NCK1: variants seen among roughly 807,000 people sequenced by gnomAD.
NCK1 encodes the protein SH2/SH3 adapter protein NCK1.
In NCK1, 19 loss-of-function variants were observed where a neutral mutation model predicts 36.6. The observed-to-expected ratio is 0.52, with a 90% CI of 0.36 to 0.76. The LOEUF (loss-of-function observed/expected upper bound fraction) is 0.76, where lower values mean the gene tolerates loss of function less well. Ranked by LOEUF, NCK1 falls within the 30% of genes least tolerant of loss-of-function variation. NCK1 has a pLI of 0.00. For synonymous variants in NCK1, 165 were observed against 156.0 expected, an observed-to-expected ratio of 1.06 and a Z score of -0.43; for missense variants, 358 against 445.6, an observed-to-expected ratio of 0.80 and a Z score of 1.77.
At chr3:136,914,827 G>T (rs1042348723) in intron 1 of NCK1, among the ~76,000 whole-genome samples, 2 of 152,182 alleles carry the variant, frequency 1.3e-5, no homozygotes, top group Non-Finnish European at 2.9e-5. Flanking sequence ...GGGGCCTAAT[G>T]GGAGGTGTTT....
chr3:136,915,903 A>G (rs1576975242), intron 1 of NCK1, among the ~76,000 whole-genome samples: 1 of 151,804 alleles, frequency 6.6e-6, no homozygotes, highest in South Asian at 2.1e-4. Flanking sequence ...CTTTTGTATT[A>G]TTAGTAGAGA....
intron 1 of NCK1, among the ~76,000 whole-genome samples, chr3:136,886,151 T>C (rs1939067861): frequency 6.6e-6 from 1 of 152,204 alleles, no homozygotes; most frequent in Admixed American, 6.5e-5. Context: ...GAAGCATGGG[T>C]TAATAAAATT....
intron 1 of NCK1, among the ~76,000 whole-genome samples, chr3:136,908,478 A>G (rs1939743455): frequency 6.6e-6 from 1 of 152,202 alleles, no homozygotes; most frequent in African/African-American, 2.4e-5. Flanking sequence ...GCATTTGGAT[A>G]TGGAAACAGG....
chr3:136,946,724 A>C (rs1207304165), intron 3 of NCK1, among the ~76,000 whole-genome samples: 1 of 152,192 alleles, frequency 6.6e-6, no homozygotes, highest in Non-Finnish European at 1.5e-5. Context: ...GAAATCCCTG[A>C]ATTTAAAAAA....
chr3:136,933,960 A>G (rs964991545), intron 2 of NCK1, among the ~76,000 whole-genome samples: 5 of 152,078 alleles, frequency 3.3e-5, no homozygotes, highest in African/African-American at 1.2e-4. Context: ...TGCCTGCCTC[A>G]GCCTCCCAAA....
intron 1 of NCK1, among the ~76,000 whole-genome samples, chr3:136,876,064 A>G (rs1938761616): frequency 1.3e-5 from 2 of 151,826 alleles, no homozygotes; most frequent in African/African-American, 4.8e-5. Flanking sequence ...CTGGGTACAT[A>G]ACGAAATGAA....
intron 1 of NCK1, among the ~76,000 whole-genome samples, chr3:136,903,358 A>T (rs1939596894): frequency 6.6e-6 from 1 of 152,274 alleles, no homozygotes; most frequent in East Asian, 1.9e-4. Flanking sequence ...AGATGAGTTT[A>T]TTGTAGGTAG....
chr3:136,862,592 C>T (rs1938259497), intron 1 of NCK1, among the ~76,000 whole-genome samples: 2 of 152,254 alleles, frequency 1.3e-5, no homozygotes, highest in African/African-American at 4.8e-5. Flanking sequence ...CGTGACCCCG[C>T]GGCCTCCTTG....
In NCK1 at chr3:136,928,317, A is replaced by T. The variant is rs1302072757; in HGVS notation, c.226+90A>T. On this transcript the variant is annotated intron_variant, in intron 2 of 3. Transcript: ENST00000481752. Reference sequence around the variant, plus strand: ...ACATAATTCTGGCAGCAGTGTGCATAATTGACTTGAAAAGGCAAGGGCTAG... The same window carrying T: ...ACATAATTCTGGCAGCAGTGTGCATTATTGACTTGAAAAGGCAAGGGCTAG... The T allele has an allele frequency of 7.8e-6, 10 of 1,280,706 alleles. No individual in the cohort carries two copies. In the South Asian group the frequency reaches 1.6e-4, roughly 20 times the overall value. 79.3% of individuals were successfully genotyped at this position (1,280,706 alleles called of 1,614,324 possible). A position where few individuals can be genotyped will look rare whatever the true frequency, so the allele number is the denominator to read the frequency against.
intron 1 of NCK1, 39 bp from the exon 2 acceptor site, chr3:136,927,945 C>A: frequency 7.1e-7 from 1 of 1,404,418 alleles, no homozygotes; most frequent in Non-Finnish European, 1.0e-6. Flanking sequence ...ACTAATACTA[C>A]CTCAACCTTA....
chr3:136,871,433 A>G (rs1483945553), intron 1 of NCK1, among the ~76,000 whole-genome samples: 2 of 152,196 alleles, frequency 1.3e-5, no homozygotes, highest in East Asian at 3.8e-4. Context: ...TAGAGAAAGT[A>G]TCTTTAAATG....
At chr3:136,943,602 T>A (rs1161016208) in intron 2 of NCK1, among the ~76,000 whole-genome samples, 2 of 152,250 alleles carry the variant, frequency 1.3e-5, no homozygotes, top group Admixed American at 6.5e-5. Context: ...GAATTCTTCA[T>A]TTATTCATTC....
rs760024244 is a variant in NCK1, at chr3:136,950,060, G to T, written c.*1607G>T. On this transcript the variant is annotated 3_prime_UTR_variant, in exon 4 of 4. Transcript: ENST00000481752. Reference sequence around the variant, plus strand: ...ACTCCTTTGTTGAGGGTAATTATTAGTAGTTAAGTTTTTAATGGAAATAAA... The same window carrying T: ...ACTCCTTTGTTGAGGGTAATTATTATTAGTTAAGTTTTTAATGGAAATAAA... Among the ~76,000 whole-genome samples the T allele has an allele frequency of 6.6e-6, 1 of 151,958 alleles. No individual in the cohort carries two copies. The highest frequency in any genetic ancestry group is 1.5e-5 in the Non-Finnish European group (1 of 67,912).
intron 1 of NCK1, among the ~76,000 whole-genome samples, chr3:136,889,924 C>T (rs535344655): frequency 9.2e-5 from 14 of 152,236 alleles, no homozygotes; most frequent in Non-Finnish European, 4.4e-5. Flanking sequence ...GACTCAGGAG[C>T]CCAGCTGGCT....
In NCK1 at chr3:136,928,943, G is replaced by A. The variant is rs185840945; in HGVS notation, c.226+716G>A. Among the ~76,000 whole-genome samples, 753 of 151,362 alleles carry A rather than the reference G, an allele frequency of 5.0e-3. 7 individuals carry two copies. Among genetic ancestry groups the A allele is most frequent in the Non-Finnish European group, 9.0e-3 (613 of 67,876 alleles). On this transcript the variant is annotated intron_variant, in intron 2 of 3. Coordinates refer to ENST00000481752, the MANE Select transcript of NCK1 (RefSeq NM_001291999.2). ...GGAGGGACAGAATTTCATTTTTGGT[G>A]TTCAGGCAAACATGCTATTTGCGTA...
At chr3:136,922,496 A>G (rs760229393) in intron 1 of NCK1, among the ~76,000 whole-genome samples, 1 of 152,200 alleles carries the variant, frequency 6.6e-6, no homozygotes, top group South Asian at 2.1e-4. Flanking sequence ...AAGGAACTTG[A>G]TGGAGTTGGA....
chr3:136,885,604 G>A (rs896200969), intron 1 of NCK1, among the ~76,000 whole-genome samples: 1 of 152,132 alleles, frequency 6.6e-6, no homozygotes, highest in East Asian at 1.9e-4. Flanking sequence ...AGCACCCAGC[G>A]TACTTAAACC....
At chr3:136,867,214 TCC>T (rs1938473913) in intron 1 of NCK1, among the ~76,000 whole-genome samples, 1 of 146,206 alleles carries the variant, frequency 6.8e-6, no homozygotes, top group African/African-American at 2.5e-5. Context: ...CTTCCTTCCT[TCC>T]TTCCTTCCGT....
chr3:136,894,765 G>C (rs933250364), intron 1 of NCK1, among the ~76,000 whole-genome samples: 5 of 152,164 alleles, frequency 3.3e-5, no homozygotes, highest in African/African-American at 1.2e-4. Flanking sequence ...TTCTGTGTCT[G>C]ATAAGTTGTT....
Sources: allele counts gnomAD v4.1 joint callset (sites outside exome capture counted in the v4.1 genomes callset), GRCh38; gene constraint gnomAD v4.1.1; transcripts MANE v1.5; gene names NCBI Gene and HGNC (gene_info 2026-07-23, HGNC 2026-07-21).